MIA2: variants seen among roughly 807,000 people sequenced by gnomAD.
MIA2 encodes the protein MIA SH3 domain ER export factor 2.
A neutral mutation model predicts 167.8 loss-of-function variants in MIA2; 127 were observed. The ratio of observed to expected loss-of-function variants is 0.76; its 90% confidence interval spans 0.66 to 0.88. MIA2 has a LOEUF of 0.88. Ranked by LOEUF, MIA2 falls within the 40% of genes least tolerant of loss-of-function variation. MIA2 has a pLI of 0.00. For missense variants in MIA2, 1,690 were observed against 1,624.7 expected (o/e 1.04, Z -0.69); for synonymous variants, 552 against 541.9 (o/e 1.02, Z -0.26).
rs139268828 is a variant in MIA2, at chr14:39,300,929, C to CACACACATATATAT, written c.2619+956_2619+957insTACACACATATATA. ...TCAGAATTTGGCATATATATATATA[C>CACACACATATATAT]ACACACATATATACATATATACACA... is the stretch of plus-strand genomic sequence containing the variant. On this transcript the variant is annotated intron_variant, in intron 14 of 28. Coordinates refer to ENST00000640607, the MANE Select transcript of MIA2 (RefSeq NM_001329214.4). Among the ~76,000 whole-genome samples the CACACACATATATAT allele has an allele frequency of 8.7e-4, 120 of 138,336 alleles. 3 individuals carry two copies. The highest frequency in any genetic ancestry group is 1.7e-3 in the African/African-American group (65 of 37,276). 90.8% of individuals were successfully genotyped at this position (138,336 alleles called of 152,430 possible).
At chr14:39,317,835 T>C in intron 21 of MIA2, 109 bp from the exon 22 acceptor site, 1 of 639,528 alleles carries the variant, frequency 1.6e-6, no homozygotes, top group South Asian at 2.3e-5. Context: ...ACCATTGTTG[T>C]GATATATATA....
chr14:39,327,554 A>T (rs1389896978), intron 25 of MIA2, among the ~76,000 whole-genome samples: 1 of 152,116 alleles, frequency 6.6e-6, no homozygotes, highest in African/African-American at 2.4e-5. Flanking sequence ...GAAATAAGAT[A>T]ATAACTGCCA....
intron 9 of MIA2, among the ~76,000 whole-genome samples, chr14:39,290,652 C>T (rs939999952): frequency 7.2e-5 from 11 of 152,258 alleles, no homozygotes; most frequent in African/African-American, 9.6e-5. Flanking sequence ...AGACAGCTTA[C>T]GTAAAAATAC....
intron 9 of MIA2, among the ~76,000 whole-genome samples, chr14:39,290,079 AGACATCTTTG>A (rs2060520823): frequency 6.6e-6 from 1 of 152,198 alleles, no homozygotes; most frequent in African/African-American, 2.4e-5. Context: ...AGCAGAACAT[AGACATCTTTG>A]GACAGGTCAT....
chr14:39,265,640 TTTTTG>T, intron 6 of MIA2: 7 of 410,440 alleles, frequency 1.7e-5, no homozygotes, highest in African/African-American at 2.1e-5. Flanking sequence ...GGAGGTTTTT[TTTTTG>T]TTTTTGTTTT....
intron 7 of MIA2, among the ~76,000 whole-genome samples, chr14:39,278,814 G>A (rs2058520591): frequency 1.3e-5 from 2 of 152,150 alleles, no homozygotes; most frequent in African/African-American, 4.8e-5. Flanking sequence ...AGTTATTTCA[G>A]AGTCTTTAAT....
chr14:39,238,375 G>T (rs911873482), intron 2 of MIA2, among the ~76,000 whole-genome samples: 2 of 151,602 alleles, frequency 1.3e-5, no homozygotes, highest in African/African-American at 2.4e-5. Flanking sequence ...GTTTCACCAT[G>T]TTGGCCAGGC....
At chr14:39,297,666 C>CGTGTGTGTGTGTGTGT (rs71435638) in intron 13 of MIA2, among the ~76,000 whole-genome samples, 4,048 of 140,038 alleles carry the variant, frequency 0.029, 67 homozygotes, top group African/African-American at 0.05. Flanking sequence ...TAGGGTTTTG[C>CGTGTGTGTGTGTGTGT]GTGTGTGTGT....
At chr14:39,333,266 C>T (rs377718398) in intron 25 of MIA2, among the ~76,000 whole-genome samples, 2 of 152,100 alleles carry the variant, frequency 1.3e-5, no homozygotes, top group Admixed American at 6.5e-5. Context: ...TATTCTATTC[C>T]TCTAAGAGTG....
downstream of MIA2, among the ~76,000 whole-genome samples, chr14:39,354,117 C>A (rs1181209340): frequency 6.6e-6 from 1 of 152,190 alleles, no homozygotes; most frequent in East Asian, 1.9e-4. Flanking sequence ...AGTTCTAGTT[C>A]TAGATCCCTG....
chr14:39,355,648 C>T (rs1165691196), downstream of MIA2, among the ~76,000 whole-genome samples: 6 of 152,114 alleles, frequency 3.9e-5, no homozygotes, highest in East Asian at 9.6e-4. Flanking sequence ...AAAGGGAATG[C>T]TTCCAGTTTT....
intron 2 of MIA2, among the ~76,000 whole-genome samples, chr14:39,238,811 A>AAAAAAAAAAAAAAACAAAAAC: frequency 1.9e-5 from 2 of 103,636 alleles, no homozygotes; most frequent in African/African-American, 7.8e-5. Flanking sequence ...AAAAAAAAAA[A>AAAAAAAAAAAAAAACAAAAAC]CCCAAAAAAC....
chr14:39,304,527 A>G (rs1012764477), intron 17 of MIA2, 146 bp downstream of exon 17: 3 of 468,840 alleles, frequency 6.4e-6, no homozygotes, highest in East Asian at 3.7e-5. Flanking sequence ...TTTGTGAAAC[A>G]TTAGTCCTGG....
At chr14:39,291,335 A>G (rs2060715010) in intron 10 of MIA2, among the ~76,000 whole-genome samples, 1 of 152,186 alleles carries the variant, frequency 6.6e-6, no homozygotes, top group Non-Finnish European at 1.5e-5. Context: ...AGGCATGTTT[A>G]TGTTCAAGGA....
chr14:39,346,128 C>T (rs764126874), intron 26 of MIA2, 102 bp downstream of exon 26: 96 of 906,876 alleles, frequency 1.1e-4, no homozygotes, highest in Non-Finnish European at 1.6e-4. Flanking sequence ...TCTAGTAGTT[C>T]CTAAGGCCAA....
rs184879718 is a variant in MIA2 at position 39,270,566 on chromosome 14, T to C, written c.1888-6368T>C. On this transcript the variant is annotated intron_variant, in intron 6 of 28. Transcript: ENST00000640607. ...TTTTAAGAGATGGGGTCTTGCTTTG[T>C]TGCCCAGGCTGGAGCGTAGTGGCGT... 3.4e-3 allele frequency among the ~76,000 whole-genome samples: 514 copies of C among 152,206 alleles called. 1 individual carries two copies. The highest frequency in any genetic ancestry group is 0.012 in the African/African-American group (492 of 41,518).
chr14:39,300,554 AC>A (rs972858322), intron 14 of MIA2, among the ~76,000 whole-genome samples: 4 of 151,526 alleles, frequency 2.6e-5, no homozygotes, highest in African/African-American at 9.7e-5. Flanking sequence ...TATAATTTAC[AC>A]AGTGATGTGG....
intron 6 of MIA2, chr14:39,265,299 G>A: frequency 1.0e-6 from 1 of 953,666 alleles, no homozygotes; most frequent in South Asian, 1.4e-5. Context: ...GAAGAGTGCA[G>A]GATATATTAG....
chr14:39,307,778 T>C (rs1368800299), intron 17 of MIA2, among the ~76,000 whole-genome samples: 1 of 151,982 alleles, frequency 6.6e-6, no homozygotes, highest in Non-Finnish European at 1.5e-5. Flanking sequence ...CATCAAAAAA[T>C]AATGGGATCC....
Sources: gnomAD v4.1 joint callset for allele counts (sites outside exome capture counted in the v4.1 genomes callset) on GRCh38, gnomAD v4.1.1 for gene constraint, MANE v1.5 for transcripts, NCBI Gene and HGNC (gene_info 2026-07-23, HGNC 2026-07-21) for gene names.